UBAP2: variants seen among roughly 807,000 people sequenced by gnomAD.
UBAP2 encodes the protein ubiquitin-associated protein 2.
Under a neutral mutation model 139.6 loss-of-function variants are expected in UBAP2, and 75 were observed. That is an observed-to-expected ratio of 0.54 (90% CI 0.45 to 0.65). The LOEUF is 0.65. Ranked by LOEUF, UBAP2 falls within the 30% of genes least tolerant of loss-of-function variation. The pLI is 0.00. For synonymous variants in UBAP2, 526 were observed against 526.2 expected, an observed-to-expected ratio of 1.00 and a Z score of 0.01; for missense variants, 1,368 against 1,369.6, an observed-to-expected ratio of 1.00 and a Z score of 0.02.
Position 33,989,122 on chromosome 9 carries a change from G to A in UBAP2, c.293C>T (p.Ser98Leu), listed in dbSNP as rs746517093. ...TTTCTTACACCCTACAGTCTCCCAT[G>A]AAGTCTATCAGAGAGAACGGCTGTT... ...ILLEGNSDTT[S>L]WETVGCKKKN... The change falls in exon 5 of 29, where the codon TCA becomes TTA. Residue 98 changes from serine to leucine, a missense_variant. Transcript: ENST00000379238. 1.2e-6 allele frequency: 2 copies of A among 1,609,162 alleles called. No individual in the cohort carries two copies. Among genetic ancestry groups the A allele is most frequent in the South Asian group, 2.2e-5 (2 of 90,150 alleles).
intron 16 of UBAP2, 95 bp downstream of exon 16, chr9:33,941,553 TA>T: frequency 9.1e-7 from 1 of 1,104,642 alleles, no homozygotes; most frequent in Non-Finnish European, 1.3e-6. Context: ...AGTCAATTTG[TA>T]AAATAAAATC....
At chr9:33,989,377 A>AT (rs1193870126) in intron 4 of UBAP2, among the ~76,000 whole-genome samples, 1 of 151,906 alleles carries the variant, frequency 6.6e-6, no homozygotes, top group Non-Finnish European at 1.5e-5. Flanking sequence ...AATTTTTTGT[A>AT]TTTTTAGTGG....
chr9:33,980,455 G>A (rs1322975472), intron 6 of UBAP2, among the ~76,000 whole-genome samples: 8 of 150,442 alleles, frequency 5.3e-5, no homozygotes, highest in East Asian at 2.0e-4. Context: ...GTTAGCCAGG[G>A]TGGTCTCGAT....
chr9:34,048,482 G>C (rs1827817045), intron 1 of UBAP2, among the ~76,000 whole-genome samples: 1 of 152,178 alleles, frequency 6.6e-6, no homozygotes, highest in South Asian at 2.1e-4. Context: ...CAGTCTACTG[G>C]CAGGCACCGA....
At chr9:33,985,489 A>G (rs986049703) in intron 6 of UBAP2, among the ~76,000 whole-genome samples, 13 of 152,256 alleles carry the variant, frequency 8.5e-5, no homozygotes, top group African/African-American at 3.1e-4. Flanking sequence ...ACTCAGCCAT[A>G]AAAGAATGAA....
At chr9:34,002,042 G>A (rs940889820) in intron 2 of UBAP2, among the ~76,000 whole-genome samples, 2 of 150,142 alleles carry the variant, frequency 1.3e-5, no homozygotes, top group Non-Finnish European at 3.0e-5. Context: ...CCATGGCCTC[G>A]ACCTCCCAGG....
At chr9:33,971,553 T>C (rs987363146) in intron 8 of UBAP2, 98 bp downstream of exon 8, 70 of 763,558 alleles carry the variant, frequency 9.2e-5, no homozygotes, top group Non-Finnish European at 1.5e-4. Flanking sequence ...TTCATTCTTT[T>C]CCATCAGCAC....
In UBAP2 at chr9:33,923,283, G is replaced by A. The variant is rs34482446; in HGVS notation, c.2907C>T (p.Asp969=). 2.0e-5 allele frequency: 32 copies of A among 1,614,084 alleles called. No individual in the cohort carries two copies. The highest frequency in any genetic ancestry group is 2.7e-5 in the Non-Finnish European group (32 of 1,180,034). The change falls in exon 26 of 29, where the codon GAC becomes GAT. Residue 969 remains aspartate, a synonymous_variant. Coordinates refer to ENST00000379238, the MANE Select transcript of UBAP2 (RefSeq NM_001370062.2). ...GQHGYSTGYD[D]LTQGTAAGDY... is the part of the protein sequence containing the mutation. ...CTCCTGCTGCTGTCCCCTGGGTCAG[G>A]TCGTCATAACCTAGCGTGGCAGGGT...
intron 1 of UBAP2, among the ~76,000 whole-genome samples, chr9:34,026,907 T>G (rs1026953054): frequency 1.1e-4 from 17 of 152,130 alleles, no homozygotes; most frequent in Non-Finnish European, 1.6e-4. Flanking sequence ...CAATTCAGCT[T>G]CTTCTTCTAT....
chr9:33,923,908 G>C lies in UBAP2; in HGVS notation c.2683C>G (p.His895Asp), dbSNP rs1478771446. ...QPQQSQSQTH[H>D]TAQQPFVNPA... ...TTCACGAAGGGCTGCTGGGCTGTGT[G>C]GTGGGTCTGTGATTGGCTCTGCTGT... Residue 895 changes from histidine to aspartate, a missense_variant, in exon 24 of 29, where the codon CAC (histidine) becomes GAC (aspartate). Transcript: ENST00000379238. The C allele has an allele frequency of 3.1e-6, 5 of 1,614,202 alleles. No homozygotes were observed. Among genetic ancestry groups the C allele is most frequent in the Non-Finnish European group, 4.2e-6 (5 of 1,180,044 alleles).
At chr9:33,966,986 C>T (rs765488454) in intron 8 of UBAP2, among the ~76,000 whole-genome samples, 2 of 151,934 alleles carry the variant, frequency 1.3e-5, no homozygotes, top group African/African-American at 2.4e-5. Flanking sequence ...AACTAAATGT[C>T]ACAACAGTGG....
intron 6 of UBAP2, among the ~76,000 whole-genome samples, chr9:33,976,025 G>A (rs1030686146): frequency 6.6e-6 from 1 of 152,030 alleles, no homozygotes; most frequent in Non-Finnish European, 1.5e-5. Flanking sequence ...AAACCAGCCT[G>A]GGCAACAAAG....
At chr9:33,998,233 A>C (rs1244367196) in intron 3 of UBAP2, 2 of 152,522 alleles carry the variant, frequency 1.3e-5, no homozygotes, top group African/African-American at 4.8e-5. Flanking sequence ...CTCTGTCTCT[A>C]CAAATATTTT....
At chr9:34,003,424 T>G (rs962989019) in intron 2 of UBAP2, among the ~76,000 whole-genome samples, 1 of 148,508 alleles carries the variant, frequency 6.7e-6, no homozygotes, top group East Asian at 2.0e-4. Context: ...CAGGCTGGAG[T>G]GCAGTGGCGT....
At chr9:34,011,509 T>A (rs1358015354) in intron 2 of UBAP2, 2 of 453,184 alleles carry the variant, frequency 4.4e-6, no homozygotes, top group African/African-American at 4.4e-5. Context: ...ACTTTAAGTA[T>A]TTTTTTTAAC....
At chr9:34,020,948 C>T (rs1397633921) in intron 1 of UBAP2, among the ~76,000 whole-genome samples, 2 of 152,100 alleles carry the variant, frequency 1.3e-5, no homozygotes, top group Admixed American at 6.6e-5. Flanking sequence ...AGGACCCGGC[C>T]GGAATTCTGT....
chr9:33,941,932 A>G (rs1197438242), intron 15 of UBAP2, 70 bp from the exon 16 acceptor site: 10 of 1,103,692 alleles, frequency 9.1e-6, no homozygotes, highest in East Asian at 5.0e-5. Context: ...AAAAAAACAT[A>G]AACAGCTTCA....
rs60028245 is a variant in UBAP2, at chr9:33,971,587, G to C, written c.679+64C>G. On this transcript the variant is annotated intron_variant, in intron 8 of 28. Coordinates refer to ENST00000379238, the MANE Select transcript of UBAP2 (RefSeq NM_001370062.2). ...ACATTTAGACTTCATCTTTGTATGAGAACATACAACTCTTAATAGCTCAAA... is the reference window on the plus strand; with the variant it reads ...ACATTTAGACTTCATCTTTGTATGACAACATACAACTCTTAATAGCTCAAA... 6.5e-6 allele frequency: 6 copies of C among 926,274 alleles called. No individual in the cohort carries two copies. The Admixed American group carries it at 6.9e-5, about 11-fold the overall frequency. The allele number at this position is 926,274 out of a possible 1,614,324, so 57.4% of individuals were successfully genotyped here.
At chr9:33,953,585 G>C in intron 11 of UBAP2, 111 bp from the exon 12 acceptor site, 1 of 1,147,402 alleles carries the variant, frequency 8.7e-7, no homozygotes, top group Admixed American at 2.8e-5. Context: ...CAAATGAGGA[G>C]AACCTTTGGA....
Sources: gnomAD v4.1 joint callset for allele counts (sites outside exome capture counted in the v4.1 genomes callset) on GRCh38, gnomAD v4.1.1 for gene constraint, MANE v1.5 for transcripts, NCBI Gene and HGNC (gene_info 2026-07-23, HGNC 2026-07-21) for gene names.